The following WDR93 variants were observed in gnomAD, a reference collection of about 807,000 sequenced individuals.
WDR93 encodes the protein WD repeat domain 93.
In WDR93, 73 loss-of-function variants were observed where a neutral mutation model predicts 82.9. That is an observed-to-expected ratio of 0.88 (90% CI 0.73 to 1.07). The LOEUF (loss-of-function observed/expected upper bound fraction) is 1.07, where lower values mean the gene tolerates loss of function less well. Ranked by LOEUF, WDR93 falls within the 50% of genes least tolerant of loss-of-function variation. The pLI is 0.00. For missense variants in WDR93, 738 were observed against 826.0 expected (o/e 0.89, Z 1.31); for synonymous variants, 283 against 300.1 (o/e 0.94, Z 0.59).
intron 16 of WDR93, among the ~76,000 whole-genome samples, chr15:89,742,813 G>A (rs1205759721): frequency 6.6e-6 from 1 of 152,142 alleles, no homozygotes; most frequent in Non-Finnish European, 1.5e-5. Flanking sequence ...GATTACAGGC[G>A]TGAGCCACCG....
At position 89,731,614 on chromosome 15, in the gene WDR93, G is replaced by A. The variant is rs376768422; in HGVS notation, c.1330+52G>A. The A allele has an allele frequency of 2.0e-5, 33 of 1,609,944 alleles. 1 individual carries two copies. The highest frequency in any genetic ancestry group is 1.5e-4 in the African/African-American group (11 of 74,896). On this transcript the variant is annotated intron_variant, in intron 12 of 16. Transcript: ENST00000268130. Reference sequence around the variant, plus strand: ...GTACCTGGGTGGGACTCTGGGCAATGAGTCTGGGAGCTCTGGAATTCCCAC... The same window carrying A: ...GTACCTGGGTGGGACTCTGGGCAATAAGTCTGGGAGCTCTGGAATTCCCAC...
rs1967091139 is a variant in WDR93 at position 89,735,475 on chromosome 15, T to C, written c.1545-15T>C. On this transcript the variant is annotated splice_polypyrimidine_tract_variant and intron_variant, in intron 13 of 16. Coordinates refer to ENST00000268130, the MANE Select transcript of WDR93 (RefSeq NM_020212.2). ...CTTAAAGTAGGAGAATGTCTGTATA[T>C]TTTCTGTCCTATAGGCCTGTAAAGC... is the stretch of plus-strand genomic sequence containing the variant. The C allele has an allele frequency of 4.3e-6, 7 of 1,613,698 alleles. No individual in the cohort carries two copies. The highest frequency in any genetic ancestry group is 5.1e-6 in the Non-Finnish European group (6 of 1,179,652).
At chr15:89,700,172 G>A (rs573476161) in intron 1 of WDR93, among the ~76,000 whole-genome samples, 2 of 152,284 alleles carry the variant, frequency 1.3e-5, no homozygotes, top group East Asian at 3.9e-4. Flanking sequence ...CCACGACCGA[G>A]GCAAGATTTT....
chr15:89,705,618 G>A lies in WDR93; in HGVS notation c.561G>A (p.Val187=). ...GLYLVKAINE[V]DDTSKQTTCI... is the part of the protein sequence containing the mutation. ...ACCTAGTCAAAGCCATCAATGAAGT[G>A]GTGAGTTCCTATTCTTTCACCATTA... The change falls in exon 4 of 17, where the codon GTG becomes GTA. Residue 187 remains valine, a splice_region_variant and synonymous_variant. Transcript: ENST00000268130. The A allele has an allele frequency of 6.4e-7, 1 of 1,556,916 alleles. No homozygotes were observed. The highest frequency in any genetic ancestry group is 8.9e-7 in the Non-Finnish European group (1 of 1,127,886).
intron 1 of WDR93, among the ~76,000 whole-genome samples, chr15:89,701,219 G>T (rs1275376806): frequency 1.3e-5 from 2 of 152,078 alleles, no homozygotes; most frequent in Non-Finnish European, 2.9e-5. Context: ...GAACTTCTGG[G>T]CAGCAGCAGC....
intron 12 of WDR93, 55 bp from the exon 13 acceptor site, chr15:89,732,951 A>G (rs1167277373): frequency 9.6e-6 from 15 of 1,556,538 alleles, no homozygotes; most frequent in African/African-American, 1.4e-5. Context: ...CCCTGTGCCC[A>G]TGGCCTCCTC....
chr15:89,719,362 T>C (rs941858532), intron 7 of WDR93, among the ~76,000 whole-genome samples: 6 of 152,264 alleles, frequency 3.9e-5, no homozygotes, highest in Admixed American at 2.0e-4. Context: ...GGAGCTTTCT[T>C]TGTGGAACTA....
intron 1 of WDR93, among the ~76,000 whole-genome samples, chr15:89,700,566 T>G (rs945765564): frequency 9.6e-4 from 26 of 27,198 alleles, no homozygotes; most frequent in Non-Finnish European, 2.3e-3. Flanking sequence ...AGGGTTTTTT[T>G]TTTTTTTTTT....
intron 16 of WDR93, among the ~76,000 whole-genome samples, chr15:89,739,131 A>G (rs536677505): frequency 6.7e-6 from 1 of 150,326 alleles, no homozygotes; most frequent in East Asian, 1.9e-4. Context: ...AAAAAAAAAA[A>G]AGTATGTTTG....
At position 89,727,236 on chromosome 15, in the gene WDR93, C is replaced by A; in HGVS notation, c.960C>A (p.Phe320Leu). ...CYGLGSGQNH[F>L]IKDSQWEQQA... The stretch of plus-strand genomic sequence containing the variant: ...GACTGGGCTCCGGGCAGAATCATTT[C>A]ATCAAGGACAGTCAGTGGGAGCAGC... The change falls in exon 9 of 17, where the codon TTC becomes TTA. Residue 320 changes from phenylalanine (F) to leucine (L), a missense_variant. Physicochemically the swap from Phe to Leu is conservative, Grantham distance 22. Coordinates refer to ENST00000268130, the MANE Select transcript of WDR93 (RefSeq NM_020212.2). 1 of 1,614,194 alleles carries A rather than the reference C, an allele frequency of 6.2e-7. No homozygotes were observed. Among genetic ancestry groups the A allele is most frequent in the Non-Finnish European group, 8.5e-7 (1 of 1,180,026 alleles).
At position 89,738,217 on chromosome 15, in the gene WDR93, G is replaced by A; in HGVS notation, c.1942G>A (p.Glu648Lys). 1 of 1,611,228 alleles carries A rather than the reference G, an allele frequency of 6.2e-7. No individual in the cohort carries two copies. The highest frequency in any genetic ancestry group is 8.5e-7 in the Non-Finnish European group (1 of 1,178,884). Reference protein sequence around the residue: ...PQALPLEKRCERFLQKSYRKL... With the variant: ...PQALPLEKRCKRFLQKSYRKL... ...AGCACTGCCACTGGAGAAGAGATGT[G>A]AGCGTTTCCTCCAGAAGAGGTAAAG... The change falls in exon 16 of 17, where the codon GAG becomes AAG. Residue 648 changes from glutamate (E) to lysine (K), a missense_variant. Coordinates refer to ENST00000268130, the MANE Select transcript of WDR93 (RefSeq NM_020212.2).
intron 1 of WDR93, among the ~76,000 whole-genome samples, chr15:89,695,434 A>G (rs977972013): frequency 6.6e-6 from 1 of 152,188 alleles, no homozygotes; most frequent in African/African-American, 2.4e-5. Context: ...CCTGGACTCA[A>G]AGCAATCCTC....
At chr15:89,721,991 A>C in intron 7 of WDR93, 64 bp from the exon 8 acceptor site, 1 of 1,106,288 alleles carries the variant, frequency 9.0e-7, no homozygotes. Flanking sequence ...TAAAATTAGT[A>C]TTTTTAATTA....
chr15:89,720,207 T>C (rs2141657175), intron 7 of WDR93, among the ~76,000 whole-genome samples: 1 of 152,338 alleles, frequency 6.6e-6, no homozygotes, highest in African/African-American at 2.4e-5. Context: ...AATTTGATTT[T>C]TTTATTTTCA....
At chr15:89,724,962 G>GTGAT (rs1966674815) in intron 8 of WDR93, among the ~76,000 whole-genome samples, 2 of 152,140 alleles carry the variant, frequency 1.3e-5, no homozygotes, top group East Asian at 3.8e-4. Context: ...ACACTGCTAG[G>GTGAT]TGATAGGGTG....
Position 89,721,916 on chromosome 15 carries a change from A to G in WDR93, c.796-139A>G, listed in dbSNP as rs981264822. On this transcript the variant is annotated intron_variant, in intron 7 of 16. Coordinates refer to ENST00000268130, the MANE Select transcript of WDR93 (RefSeq NM_020212.2). ...TACAGTCTTGCTATTTACTTTTACAATCTTGCTATTTACTTTCTATTTGTC... is the reference window on the plus strand; with the variant it reads ...TACAGTCTTGCTATTTACTTTTACAGTCTTGCTATTTACTTTCTATTTGTC... The G allele has an allele frequency of 1.7e-5, 11 of 638,078 alleles. No homozygotes were observed. In the African/African-American group the frequency reaches 1.9e-4, roughly 11 times the overall value. The allele number at this position is 638,078 out of a possible 1,614,324, so 39.5% of individuals were successfully genotyped here. A position where few individuals can be genotyped will look rare whatever the true frequency, so the allele number is the denominator to read the frequency against.
intron 9 of WDR93, 35 bp downstream of exon 9, chr15:89,727,363 T>C (rs1331459480): frequency 4.4e-6 from 7 of 1,602,318 alleles, no homozygotes; most frequent in Non-Finnish European, 6.0e-6. Context: ...CCAGGGAGCA[T>C]CCCCAGGCTT....
At chr15:89,697,402 C>T (rs962733465) in intron 1 of WDR93, among the ~76,000 whole-genome samples, 7 of 152,100 alleles carry the variant, frequency 4.6e-5, no homozygotes, top group East Asian at 1.9e-4. Context: ...TATTAAGAAG[C>T]GTGTTAGTTT....
chr15:89,691,146 TGTCTGGTGAAGGAA>T (rs1964857169), intron 1 of WDR93, among the ~76,000 whole-genome samples: 1 of 152,144 alleles, frequency 6.6e-6, no homozygotes, highest in African/African-American at 2.4e-5. Context: ...ACCAGCTCTA[TGTCTGGTGAAGGAA>T]GTGGTTAGGT....
Sources: gnomAD v4.1 joint callset for allele counts (sites outside exome capture counted in the v4.1 genomes callset) on GRCh38, gnomAD v4.1.1 for gene constraint, MANE v1.5 for transcripts, NCBI Gene and HGNC (gene_info 2026-07-23, HGNC 2026-07-21) for gene names.